UBE2G1: variants seen among roughly 807,000 people sequenced by gnomAD.
UBE2G1 encodes the protein ubiquitin conjugating enzyme E2 G1.
A neutral mutation model predicts 22.7 loss-of-function variants in UBE2G1; 5 were observed. That is an observed-to-expected ratio of 0.22 (90% CI 0.12 to 0.46). The LOEUF (loss-of-function observed/expected upper bound fraction) is 0.46, where lower values mean the gene tolerates loss of function less well. Among genes scored for constraint, UBE2G1 ranks in the 20% least tolerant of loss-of-function variants. UBE2G1 has a pLI of 0.99. For synonymous variants in UBE2G1, 74 were observed against 67.5 expected, an observed-to-expected ratio of 1.10 and a Z score of -0.47; for missense variants, 88 against 203.9, an observed-to-expected ratio of 0.43 and a Z score of 3.46.
chr17:4,364,819 T>C (rs1020476772), intron 1 of UBE2G1, among the ~76,000 whole-genome samples: 25 of 151,788 alleles, frequency 1.6e-4, no homozygotes, highest in Non-Finnish European at 3.4e-4. Flanking sequence ...TGTCCTAAGG[T>C]GATCCGCCAG....
At chr17:4,362,175 T>C (rs757097983) in intron 1 of UBE2G1, among the ~76,000 whole-genome samples, 3 of 152,188 alleles carry the variant, frequency 2.0e-5, no homozygotes, top group Non-Finnish European at 4.4e-5. Flanking sequence ...AAACTTGAAT[T>C]GCCACCGCTC....
In UBE2G1 at chr17:4,270,022, A is replaced by G. The variant is rs1221844368; in HGVS notation, c.*2532T>C. ...GATGACATCTCCGACAGAGGAAGGG[A>G]AGTTGTAACATCTATGTAGGCCTGT... On this transcript the variant is annotated 3_prime_UTR_variant, in exon 6 of 6. Coordinates refer to ENST00000396981, the MANE Select transcript of UBE2G1 (RefSeq NM_003342.5). 6.6e-6 allele frequency: 1 copy of G among 152,590 alleles called. No individual in the cohort carries two copies. The highest frequency in any genetic ancestry group is 1.5e-5 in the Non-Finnish European group (1 of 68,038). The allele number at this position is 152,590 out of a possible 1,614,324, so 9.5% of individuals were successfully genotyped here.
intron 1 of UBE2G1, among the ~76,000 whole-genome samples, chr17:4,365,913 G>A (rs1011348066): frequency 5.3e-5 from 8 of 152,026 alleles, no homozygotes; most frequent in Non-Finnish European, 1.2e-4. Context: ...GGCCCCGGCA[G>A]CACCTGAACC....
At position 4,366,443 on chromosome 17, in the gene UBE2G1, G is replaced by T; in HGVS notation, c.-127C>A. 1 of 999,480 alleles carries T rather than the reference G, an allele frequency of 1.0e-6. No individual in the cohort carries two copies. Among genetic ancestry groups the T allele is most frequent in the Non-Finnish European group, 1.3e-6 (1 of 751,430 alleles). The allele number at this position is 999,480 out of a possible 1,614,324, so 61.9% of individuals were successfully genotyped here. On this transcript the variant is annotated 5_prime_UTR_variant, in exon 1 of 6. Coordinates refer to ENST00000396981, the MANE Select transcript of UBE2G1 (RefSeq NM_003342.5). ...CGACCGGAGCGCCGGAGCCGAGGAA[G>T]GCCGGGCTGAGGCGGCGGGAGCGGC...
At chr17:4,315,867 C>T (rs1163585573) in intron 1 of UBE2G1, among the ~76,000 whole-genome samples, 22 of 140,856 alleles carry the variant, frequency 1.6e-4, no homozygotes, top group South Asian at 1.4e-3. Flanking sequence ...AGTGCAGTGG[C>T]GCGATCTCAG....
chr17:4,338,352 A>G (rs996653407), intron 1 of UBE2G1, among the ~76,000 whole-genome samples: 2 of 152,228 alleles, frequency 1.3e-5, no homozygotes, highest in African/African-American at 4.8e-5. Flanking sequence ...CTAAGCTGCT[A>G]AATTTTAAAC....
At chr17:4,344,521 C>T (rs2143803966) in intron 1 of UBE2G1, among the ~76,000 whole-genome samples, 1 of 146,846 alleles carries the variant, frequency 6.8e-6, no homozygotes, top group African/African-American at 2.5e-5. Flanking sequence ...GCCTGGACGA[C>T]AAGAGTGAAA....
intron 1 of UBE2G1, among the ~76,000 whole-genome samples, chr17:4,319,438 A>G (rs1969411601): frequency 6.6e-6 from 1 of 152,160 alleles, no homozygotes; most frequent in African/African-American, 2.4e-5. Flanking sequence ...AATGTGATAA[A>G]AAGAATGAGA....
At chr17:4,272,906 A>G (rs1022041646) in intron 5 of UBE2G1, among the ~76,000 whole-genome samples, 2 of 152,250 alleles carry the variant, frequency 1.3e-5, no homozygotes, top group African/African-American at 4.8e-5. Context: ...TCTAGAATCC[A>G]TAAGAGAAGA....
chr17:4,323,835 A>T (rs1598194246), intron 1 of UBE2G1, among the ~76,000 whole-genome samples: 1 of 152,158 alleles, frequency 6.6e-6, no homozygotes, highest in Non-Finnish European at 1.5e-5. Flanking sequence ...GAGCCACTGC[A>T]CCTGGCCAGT....
chr17:4,304,559 T>C (rs972950570), intron 2 of UBE2G1, among the ~76,000 whole-genome samples: 1 of 97,046 alleles, frequency 1.0e-5, no homozygotes, highest in Non-Finnish European at 2.8e-5. Flanking sequence ...AAAGTAATCC[T>C]TGAACGGTAC....
At chr17:4,312,867 G>A (rs766773969) in intron 1 of UBE2G1, among the ~76,000 whole-genome samples, 24 of 152,020 alleles carry the variant, frequency 1.6e-4, no homozygotes, top group Non-Finnish European at 3.4e-4. Context: ...AGTTGCCCTC[G>A]GCATAAGCAG....
At chr17:4,294,267 T>A (rs904743012) in intron 3 of UBE2G1, among the ~76,000 whole-genome samples, 4 of 151,748 alleles carry the variant, frequency 2.6e-5, no homozygotes, top group African/African-American at 9.7e-5. Context: ...AATACAAAAA[T>A]TAGCCAGGCG....
At chr17:4,297,500 C>T (rs1969125952) in intron 2 of UBE2G1, among the ~76,000 whole-genome samples, 1 of 152,172 alleles carries the variant, frequency 6.6e-6, no homozygotes, top group African/African-American at 2.4e-5. Context: ...TTAGACAATA[C>T]ACCTCCAGAT....
At chr17:4,278,476 C>G (rs142709979) in intron 5 of UBE2G1, among the ~76,000 whole-genome samples, 61 of 152,268 alleles carry the variant, frequency 4.0e-4, no homozygotes, top group Middle Eastern at 3.4e-3. Context: ...TTACGAAATT[C>G]TACCAATTTG....
intron 1 of UBE2G1, chr17:4,335,399 A>G (rs1969633969): frequency 6.6e-6 from 1 of 152,216 alleles, no homozygotes; most frequent in Non-Finnish European, 1.5e-5. Context: ...AGATAATGGA[A>G]TAGTGTCTGC....
intron 1 of UBE2G1, among the ~76,000 whole-genome samples, chr17:4,339,247 T>C (rs1339786028): frequency 1.3e-5 from 2 of 152,104 alleles, no homozygotes; most frequent in Admixed American, 6.5e-5. Flanking sequence ...CCACATAGCA[T>C]AGAGGTTAAG....
At chr17:4,307,488 TG>T (rs1006706130) in intron 1 of UBE2G1, among the ~76,000 whole-genome samples, 3 of 152,232 alleles carry the variant, frequency 2.0e-5, no homozygotes, top group African/African-American at 7.2e-5. Context: ...GCAATTCTTA[TG>T]CTGCTGTCTT....
chr17:4,319,437 A>T (rs1459967415), intron 1 of UBE2G1, among the ~76,000 whole-genome samples: 2 of 152,180 alleles, frequency 1.3e-5, no homozygotes, highest in Non-Finnish European at 2.9e-5. Flanking sequence ...GAATGTGATA[A>T]AAAGAATGAG....
Sources: gnomAD v4.1 joint callset for allele counts (sites outside exome capture counted in the v4.1 genomes callset) on GRCh38, gnomAD v4.1.1 for gene constraint, MANE v1.5 for transcripts, NCBI Gene and HGNC (gene_info 2026-07-23, HGNC 2026-07-21) for gene names.